The following CDKAL1 variants were observed in gnomAD, a reference collection of about 807,000 sequenced individuals.
The protein encoded by CDKAL1 is threonylcarbamoyladenosine tRNA methylthiotransferase.
Under a neutral mutation model 68.2 loss-of-function variants are expected in CDKAL1, and 32 were observed. The ratio of observed to expected loss-of-function variants is 0.47; its 90% CI spans 0.35 to 0.63. CDKAL1 has a LOEUF of 0.63. Ranked by LOEUF, CDKAL1 falls within the 30% of genes least tolerant of loss-of-function variation. The pLI, the probability that CDKAL1 is intolerant of heterozygous loss-of-function variation, is 0.00. For missense variants in CDKAL1, 606 were observed against 696.7 expected, an observed-to-expected ratio of 0.87 and a Z score of 1.47; for synonymous variants, 234 against 244.3, an observed-to-expected ratio of 0.96 and a Z score of 0.39.
chr6:20,887,066 A>C (rs767047742), intron 9 of CDKAL1, among the ~76,000 whole-genome samples: 13 of 152,256 alleles, frequency 8.5e-5, no homozygotes, highest in Non-Finnish European at 1.5e-4. Flanking sequence ...CAAAATGTAC[A>C]TTAAAAGTGT....
At chr6:20,648,788 A>G (rs1226111405) in intron 4 of CDKAL1, among the ~76,000 whole-genome samples, 1 of 152,230 alleles carries the variant, frequency 6.6e-6, no homozygotes, top group Non-Finnish European at 1.5e-5. Flanking sequence ...CAGTGAGTTT[A>G]TTATAGTATA....
chr6:21,112,953 C>T (rs1199481369), intron 13 of CDKAL1, among the ~76,000 whole-genome samples: 1 of 152,166 alleles, frequency 6.6e-6, no homozygotes, highest in Non-Finnish European at 1.5e-5. Flanking sequence ...AAACTGATGC[C>T]TGGTTTCCCA....
intron 4 of CDKAL1, among the ~76,000 whole-genome samples, chr6:20,589,781 C>A (rs1357518749): frequency 6.6e-6 from 1 of 152,034 alleles, no homozygotes; most frequent in Non-Finnish European, 1.5e-5. Flanking sequence ...CAGTGAAGTG[C>A]TAAAAATGAT....
intron 9 of CDKAL1, among the ~76,000 whole-genome samples, chr6:20,860,234 C>T (rs372468660): frequency 1.3e-5 from 2 of 151,916 alleles, no homozygotes; most frequent in Admixed American, 6.5e-5. Flanking sequence ...CCTGCCACCA[C>T]GCCTGGCTAA....
chr6:20,584,465 A>G (rs1429075121), intron 4 of CDKAL1, among the ~76,000 whole-genome samples: 1 of 152,178 alleles, frequency 6.6e-6, no homozygotes, highest in African/African-American at 2.4e-5. Context: ...CTGGAAATGC[A>G]CACAACCCTC....
intron 9 of CDKAL1, among the ~76,000 whole-genome samples, chr6:20,848,287 T>TTTTTTTTTTTGTTTGTTTG (rs372563354): frequency 1.7e-5 from 1 of 59,286 alleles, no homozygotes; most frequent in Non-Finnish European, 4.0e-5. Flanking sequence ...TTGTTTTTTT[T>TTTTTTTTTTTGTTTGTTTG]TTTTTTCCAA....
intron 10 of CDKAL1, among the ~76,000 whole-genome samples, chr6:20,996,268 G>A (rs1240178505): frequency 6.6e-6 from 1 of 152,234 alleles, no homozygotes; most frequent in African/African-American, 2.4e-5. Flanking sequence ...GTTCACTGGA[G>A]TGGCACTTTT....
chr6:20,708,834 T>G (rs1380793718), intron 5 of CDKAL1, among the ~76,000 whole-genome samples: 1 of 152,184 alleles, frequency 6.6e-6, no homozygotes, highest in Non-Finnish European at 1.5e-5. Context: ...AGCCTTTTTC[T>G]TCTTGTCCTT....
intron 5 of CDKAL1, among the ~76,000 whole-genome samples, chr6:20,716,748 T>A (rs1772115562): frequency 6.6e-6 from 1 of 151,656 alleles, no homozygotes; most frequent in East Asian, 1.9e-4. Context: ...TTGAGGCATT[T>A]ACTAGATACC....
chr6:21,193,256 G>A (rs1778333147), intron 13 of CDKAL1, among the ~76,000 whole-genome samples: 1 of 152,082 alleles, frequency 6.6e-6, no homozygotes, highest in South Asian at 2.1e-4. Flanking sequence ...ACACCAAGAA[G>A]GTAGCTGTAA....
chr6:21,226,862 G>C (rs975667093), intron 15 of CDKAL1, among the ~76,000 whole-genome samples: 13 of 152,238 alleles, frequency 8.5e-5, no homozygotes, highest in African/African-American at 2.9e-4. Context: ...ACAGGCTCCC[G>C]CCACCACGCC....
chr6:20,779,548 A>G (rs1322453491), intron 7 of CDKAL1, among the ~76,000 whole-genome samples: 1 of 152,204 alleles, frequency 6.6e-6, no homozygotes, highest in East Asian at 1.9e-4. Context: ...TAGAACATTG[A>G]CATCCTGTGT....
intron 7 of CDKAL1, chr6:20,773,148 G>A (rs559775738): frequency 5.9e-5 from 9 of 152,280 alleles, no homozygotes; most frequent in South Asian, 2.1e-4. Flanking sequence ...CTACCATTTT[G>A]TGTAAAGTTT....
intron 8 of CDKAL1, among the ~76,000 whole-genome samples, chr6:20,786,742 C>T (rs1295407908): frequency 6.6e-6 from 1 of 152,080 alleles, no homozygotes; most frequent in Non-Finnish European, 1.5e-5. Context: ...CATGATCTGC[C>T]TGCCTCGGCC....
intron 10 of CDKAL1, among the ~76,000 whole-genome samples, chr6:20,978,553 G>A (rs1765958153): frequency 6.6e-6 from 1 of 152,168 alleles, no homozygotes; most frequent in African/African-American, 2.4e-5. Context: ...GATGTTAGGT[G>A]AGACATACAG....
intron 13 of CDKAL1, among the ~76,000 whole-genome samples, chr6:21,166,284 G>C (rs1777150035): frequency 6.6e-6 from 1 of 152,158 alleles, no homozygotes; most frequent in African/African-American, 2.4e-5. Context: ...AGAGTGCAGA[G>C]AGGTGGGAAT....
chr6:20,547,831 C>T (rs1328092916), intron 3 of CDKAL1, among the ~76,000 whole-genome samples: 2 of 151,986 alleles, frequency 1.3e-5, no homozygotes, highest in African/African-American at 2.4e-5. Flanking sequence ...TTTAGGATGA[C>T]GGTTTTTAAC....
chr6:21,020,770 T>G (rs1011315214), intron 11 of CDKAL1, among the ~76,000 whole-genome samples: 1 of 148,178 alleles, frequency 6.7e-6, no homozygotes, highest in African/African-American at 2.5e-5. Flanking sequence ...CCTGGCCTTT[T>G]TTCCTTTTTT....
intron 15 of CDKAL1, among the ~76,000 whole-genome samples, chr6:21,212,117 G>T (rs1779175641): frequency 1.3e-5 from 2 of 152,074 alleles, no homozygotes; most frequent in Non-Finnish European, 2.9e-5. Flanking sequence ...CTATATGAGG[G>T]AAAGCCCATG....
Sources: allele counts gnomAD v4.1 joint callset (sites outside exome capture counted in the v4.1 genomes callset), GRCh38; gene constraint gnomAD v4.1.1; transcripts MANE v1.5; gene names NCBI Gene and HGNC (gene_info 2026-07-23, HGNC 2026-07-21).